Variants in AP1S1 observed in about 807,000 individuals in gnomAD.
AP1S1 encodes the protein AP-1 complex subunit sigma-1A.
AP1S1 carries 13 observed loss-of-function variants against 23.9 expected under a neutral mutation model. That is an observed-to-expected ratio of 0.54 (90% confidence interval 0.35 to 0.86). The LOEUF (loss-of-function observed/expected upper bound fraction) is 0.86, where lower values mean the gene tolerates loss of function less well. AP1S1 is among the 40% of genes least tolerant of loss of function. The probability of loss-of-function intolerance (pLI) is 0.01; values close to 1 mark genes in which losing one functional copy is unlikely to be tolerated. For missense variants in AP1S1, 119 were observed against 197.6 expected, an observed-to-expected ratio of 0.60 and a Z score of 2.38; for synonymous variants, 84 against 77.7, an observed-to-expected ratio of 1.08 and a Z score of -0.43.
At chr7:101,160,007 CAT>C (rs1562865306) in intron 4 of AP1S1, among the ~76,000 whole-genome samples, 9 of 69,342 alleles carry the variant, frequency 1.3e-4, no homozygotes, top group Non-Finnish European at 2.5e-4. Flanking sequence ...CACACACACA[CAT>C]GCCCTGGCAC....
In AP1S1 at chr7:101,157,451, G is replaced by A; in HGVS notation, c.257G>A (p.Arg86Gln). 1.3e-6 allele frequency: 2 copies of A among 1,572,348 alleles called. No individual in the cohort carries two copies. The highest frequency in any genetic ancestry group is 1.7e-6 in the Non-Finnish European group (2 of 1,158,538). Residue 86 changes from arginine to glutamine, a missense_variant, in exon 3 of 5, where the codon CGA becomes CAA. Arg to Gln is a conservative substitution (Grantham distance 43). Transcript: ENST00000337619. ...CTCATCACACTGGAGCTGATCCACC[G>A]ATACGTGGAGCTCTTAGACAAATAC... ...NELITLELIH[R>Q]YVELLDKYFG... is the part of the protein sequence containing the mutation.
chr7:101,157,462 C>G lies in AP1S1; in HGVS notation c.268C>G (p.Leu90Val). Residue 90 changes from leucine (L) to valine (V), a missense_variant, in exon 3 of 5, where the codon CTC becomes GTC. Physicochemically the swap from Leu to Val is conservative, Grantham distance 32. Transcript: ENST00000337619. ...GGAGCTGATCCACCGATACGTGGAGCTCTTAGACAAATACTTTGGCAGTGT... is the reference window on the plus strand; with the variant it reads ...GGAGCTGATCCACCGATACGTGGAGGTCTTAGACAAATACTTTGGCAGTGT... ...TLELIHRYVE[L>V]LDKYFGSVCE... The G allele has an allele frequency of 6.4e-7, 1 of 1,566,816 alleles. No individual in the cohort carries two copies. The highest frequency in any genetic ancestry group is 8.7e-7 in the Non-Finnish European group (1 of 1,155,452).
intron 2 of AP1S1, among the ~76,000 whole-genome samples, 181 bp downstream of exon 2, chr7:101,156,953 C>A (rs938219545): frequency 7.8e-6 from 1 of 127,544 alleles, no homozygotes; most frequent in Non-Finnish European, 1.6e-5. Context: ...TAAAGAAGTT[C>A]TTGTTTACCA....
Position 101,160,660 on chromosome 7 carries a change from C to T in AP1S1, c.*94C>T, listed in dbSNP as rs985563428. 6.2e-6 allele frequency: 9 copies of T among 1,441,400 alleles called. No homozygotes were observed. The highest frequency in any genetic ancestry group is 1.4e-5 in the African/African-American group (1 of 71,622). The allele number at this position is 1,441,400 out of a possible 1,614,324, so 89.3% of individuals were successfully genotyped here. ...CCAGGGCCCTGTTCTTGGTGGGACT[C>T]GGCTGCCCCTCCTCTGCTGCCTCAC... On this transcript the variant is annotated 3_prime_UTR_variant, in exon 5 of 5. Transcript: ENST00000337619.
Position 101,154,532 on chromosome 7 carries a change from G to T in AP1S1, c.3+15G>T. ...GCTGCAGGATGGTAGGCTGTGCGAA[G>T]AGGGAGGGGAGGGGGAAGCGAGGGG... On this transcript the variant is annotated intron_variant, in intron 1 of 4. Coordinates refer to ENST00000337619, the MANE Select transcript of AP1S1 (RefSeq NM_001283.5). 2 of 1,566,350 alleles carry T rather than the reference G, an allele frequency of 1.3e-6. No individual in the cohort carries two copies. The highest frequency in any genetic ancestry group is 8.6e-7 in the Non-Finnish European group (1 of 1,156,234).
chr7:101,160,691 G>C lies in AP1S1; in HGVS notation c.*125G>C, dbSNP rs903895462. Reference sequence around the variant, plus strand: ...CCCCTCCTCTGCTGCCTCACCTTTCGGAGTGAGCTGTGGGCTCAGGCCCTT... The same window carrying C: ...CCCCTCCTCTGCTGCCTCACCTTTCCGAGTGAGCTGTGGGCTCAGGCCCTT... On this transcript the variant is annotated 3_prime_UTR_variant, in exon 5 of 5. Transcript: ENST00000337619. The C allele has an allele frequency of 8.7e-7, 1 of 1,153,084 alleles. No homozygotes were observed. The highest frequency in any genetic ancestry group is 1.3e-6 in the Non-Finnish European group (1 of 785,922). 71.4% of individuals were successfully genotyped at this position (1,153,084 alleles called of 1,614,324 possible).
intron 4 of AP1S1, 95 bp downstream of exon 4, chr7:101,159,291 G>A (rs892849676): frequency 6.6e-6 from 10 of 1,504,968 alleles, no homozygotes; most frequent in African/African-American, 5.6e-5. Flanking sequence ...GCCCACCGTC[G>A]CCAAGGAGCC....
chr7:101,157,219 C>A (rs1188833885), intron 2 of AP1S1, among the ~76,000 whole-genome samples, 158 bp from the exon 3 acceptor site: 2 of 152,212 alleles, frequency 1.3e-5, no homozygotes, highest in Non-Finnish European at 2.9e-5. Flanking sequence ...TAAGACAGCA[C>A]AAAGAGGCAG....
chr7:101,157,958 G>T (rs893863959), intron 3 of AP1S1, among the ~76,000 whole-genome samples: 1 of 151,796 alleles, frequency 6.6e-6, no homozygotes, highest in Non-Finnish European at 1.5e-5. Context: ...GCTAATTTTT[G>T]TATTTTTTTT....
intron 3 of AP1S1, 118 bp from the exon 4 acceptor site, chr7:101,158,941 A>C (rs1797039462): frequency 3.0e-6 from 4 of 1,339,788 alleles, no homozygotes; most frequent in Non-Finnish European, 4.1e-6. Flanking sequence ...GAAAAAGCTG[A>C]CCAATGACTA....
rs867363859 is a variant in AP1S1 at position 101,160,867 on chromosome 7, C to T, written c.*301C>T. 242 of 604,256 alleles carry T rather than the reference C, an allele frequency of 4.0e-4. 1 individual carries two copies. Among genetic ancestry groups the T allele is most frequent in the South Asian group, 3.7e-3 (240 of 65,370 alleles). The allele number at this position is 604,256 out of a possible 1,614,324, so 37.4% of individuals were successfully genotyped here. On this transcript the variant is annotated 3_prime_UTR_variant, in exon 5 of 5. Coordinates refer to ENST00000337619, the MANE Select transcript of AP1S1 (RefSeq NM_001283.5). ...GCAGAACTGATGTCACCCCAGATGT[C>T]CTTCCCTCCCTAATAACTGTAAATA... is the stretch of plus-strand genomic sequence containing the variant.
intron 3 of AP1S1, 37 bp downstream of exon 3, chr7:101,157,522 A>C (rs1371862784): frequency 2.0e-6 from 3 of 1,495,968 alleles, no homozygotes; most frequent in Admixed American, 2.0e-5. Context: ...CATTCCCAGC[A>C]ATCCCCTTTG....
In AP1S1 at chr7:101,161,149, C is replaced by T. The variant is rs1048365; in HGVS notation, c.*583C>T. On this transcript the variant is annotated 3_prime_UTR_variant, in exon 5 of 5. Coordinates refer to ENST00000337619, the MANE Select transcript of AP1S1 (RefSeq NM_001283.5). ...GGGGAAGGGCAAGCTTTATGGGACCCTGGTCCTGGCCCTGGCCTTTCACTC... is the reference window on the plus strand; with the variant it reads ...GGGGAAGGGCAAGCTTTATGGGACCTTGGTCCTGGCCCTGGCCTTTCACTC... 0.21 allele frequency: 52,172 copies of T among 248,860 alleles called. 6,570 individuals are homozygous for T. The highest frequency in any genetic ancestry group is 0.39 in the East Asian group (3,039 of 7,746). 15.4% of individuals were successfully genotyped at this position (248,860 alleles called of 1,614,324 possible).
intron 3 of AP1S1, among the ~76,000 whole-genome samples, chr7:101,158,008 C>T (rs1003412325): frequency 6.6e-6 from 1 of 152,058 alleles, no homozygotes; most frequent in Non-Finnish European, 1.5e-5. Flanking sequence ...CAGGCTGGGT[C>T]TCTAACTCTG....
chr7:101,155,109 C>G (rs758681301), intron 1 of AP1S1: 39 of 828,658 alleles, frequency 4.7e-5, no homozygotes, highest in Middle Eastern at 6.0e-4. Flanking sequence ...TCTCTGCCCC[C>G]CTTCCCATTC....
rs368923919 is a variant in AP1S1, at chr7:101,157,428, C to T, written c.234C>T (p.Leu78=). 24 of 1,582,636 alleles carry T rather than the reference C, an allele frequency of 1.5e-5. No individual in the cohort carries two copies. Among genetic ancestry groups the T allele is most frequent in the Non-Finnish European group, 1.9e-5 (22 of 1,164,364 alleles). ...CCATCGAGGGCCAAGACAATGAGCT[C>T]ATCACACTGGAGCTGATCCACCGAT... ...CCAIEGQDNE[L]ITLELIHRYV... is the part of the protein sequence containing the mutation. The change falls in exon 3 of 5, where the codon CTC becomes CTT. Residue 78 remains leucine, a synonymous_variant. Transcript: ENST00000337619.
At chr7:101,158,763 C>T (rs1001940078) in intron 3 of AP1S1, among the ~76,000 whole-genome samples, 6 of 152,050 alleles carry the variant, frequency 3.9e-5, no homozygotes, top group East Asian at 1.9e-4. Flanking sequence ...ATGAGGTGGG[C>T]GTGATAGCAT....
At chr7:101,157,574 G>A in intron 3 of AP1S1, 89 bp downstream of exon 3, 4 of 999,158 alleles carry the variant, frequency 4.0e-6, no homozygotes, top group Non-Finnish European at 6.2e-6. Context: ...CTCTGCCCTG[G>A]AAGTTTCAGG....
At position 101,156,713 on chromosome 7, in the gene AP1S1, T is replaced by C; in HGVS notation, c.123T>C (p.Ala41=). Residue 41 remains alanine (A), a synonymous_variant, in exon 2 of 5, where the codon GCT becomes GCC. Transcript: ENST00000337619. ...GCGAGCTCATGCAGGTTGTCCTGGCTCGAAAGCCCAAGATGTGCAGCTTCC... is the reference window on the plus strand; with the variant it reads ...GCGAGCTCATGCAGGTTGTCCTGGCCCGAAAGCCCAAGATGTGCAGCTTCC... ...MVRELMQVVL[A]RKPKMCSFLE... is the part of the protein sequence containing the mutation. The C allele has an allele frequency of 6.2e-7, 1 of 1,606,116 alleles. No homozygotes were observed. Among genetic ancestry groups the C allele is most frequent in the South Asian group, 1.1e-5 (1 of 89,276 alleles).
Sources: gnomAD v4.1 joint callset for allele counts (sites outside exome capture counted in the v4.1 genomes callset) on GRCh38, gnomAD v4.1.1 for gene constraint, MANE v1.5 for transcripts, NCBI Gene and HGNC (gene_info 2026-07-23, HGNC 2026-07-21) for gene names.